Variants in TNIK observed in about 807,000 individuals in gnomAD.
TNIK encodes the protein TRAF2 and NCK-interacting protein kinase.
A neutral mutation model predicts 191.3 loss-of-function variants in TNIK; 49 were observed. That is an observed-to-expected ratio of 0.26 (90% CI 0.20 to 0.32). TNIK has a LOEUF of 0.32. Among genes scored for constraint, TNIK ranks in the 10% least tolerant of loss-of-function variants. The pLI is 1.00. For missense variants in TNIK, 1,155 were observed against 1,702.3 expected, an observed-to-expected ratio of 0.68 and a Z score of 5.66; for synonymous variants, 594 against 600.9, an observed-to-expected ratio of 0.99 and a Z score of 0.17.
At chr3:171,385,037 T>C (rs1718544209) in intron 1 of TNIK, among the ~76,000 whole-genome samples, 1 of 152,174 alleles carries the variant, frequency 6.6e-6, no homozygotes, top group African/African-American at 2.4e-5. Context: ...AACACTAAAA[T>C]ACAACATACC....
At chr3:171,247,398 C>T (rs994356800) in intron 2 of TNIK, among the ~76,000 whole-genome samples, 7 of 152,196 alleles carry the variant, frequency 4.6e-5, no homozygotes, top group African/African-American at 1.7e-4. Flanking sequence ...GAAAGAGAAA[C>T]AGAAGTCCTC....
chr3:171,081,347 T>A (rs952948122), intron 27 of TNIK, among the ~76,000 whole-genome samples: 2 of 151,884 alleles, frequency 1.3e-5, no homozygotes, highest in African/African-American at 4.8e-5. Flanking sequence ...CAAACCAGCA[T>A]CCCTGTGTTG....
At chr3:171,426,558 T>C (rs1204769161) in intron 1 of TNIK, among the ~76,000 whole-genome samples, 1 of 151,682 alleles carries the variant, frequency 6.6e-6, no homozygotes, top group Non-Finnish European at 1.5e-5. Flanking sequence ...GTATAATAAA[T>C]ATATATATAT....
At chr3:171,170,503 A>C (rs1412442422) in intron 9 of TNIK, among the ~76,000 whole-genome samples, 2 of 152,214 alleles carry the variant, frequency 1.3e-5, no homozygotes, top group African/African-American at 4.8e-5. Context: ...AACTTGGACA[A>C]ATTACTTAAC....
intron 2 of TNIK, among the ~76,000 whole-genome samples, chr3:171,351,873 C>T (rs1292865025): frequency 6.6e-6 from 1 of 152,210 alleles, no homozygotes; most frequent in African/African-American, 2.4e-5. Context: ...CCATTCAACA[C>T]AAAAGTTAAA....
intron 2 of TNIK, among the ~76,000 whole-genome samples, chr3:171,232,894 G>T (rs1480689542): frequency 6.6e-6 from 1 of 152,172 alleles, no homozygotes; most frequent in Non-Finnish European, 1.5e-5. Flanking sequence ...TAAAATGAAT[G>T]CAAGAGAAAA....
In TNIK at chr3:171,366,459, C is replaced by T. The variant is rs1010412075; in HGVS notation, c.123+3161G>A. 6.6e-6 allele frequency among the ~76,000 whole-genome samples: 1 copy of T among 152,020 alleles called. No individual in the cohort carries two copies. The highest frequency in any genetic ancestry group is 1.5e-5 in the Non-Finnish European group (1 of 68,006). The stretch of plus-strand genomic sequence containing the variant: ...TTTCTATATCTAGATGTACCTGACT[C>T]ACATGCAGATATATTTCAAGGTGTT... On this transcript the variant is annotated intron_variant, in intron 2 of 32. Transcript: ENST00000436636. The surrounding 1 kb of genome is among the most constrained non-coding windows in gnomAD (Gnocchi z 4.1).
Position 171,157,450 on chromosome 3 carries a change from A to C in TNIK, c.1221+10T>G, listed in dbSNP as rs1733347634. On this transcript the variant is annotated intron_variant, in intron 12 of 32. Coordinates refer to ENST00000436636, the MANE Select transcript of TNIK (RefSeq NM_015028.4). ...GCTTGGGGTCAGAGGTGGCCCGAGC[A>C]GGTCCTCACCTCCTCCAGCCGCCGC... 6.4e-7 allele frequency: 1 copy of C among 1,556,502 alleles called. No homozygotes were observed. Among genetic ancestry groups the C allele is most frequent in the African/African-American group, 1.4e-5 (1 of 73,326 alleles).
intron 23 of TNIK, among the ~76,000 whole-genome samples, chr3:171,090,057 T>C (rs1034570108): frequency 3.3e-5 from 5 of 152,132 alleles, no homozygotes; most frequent in African/African-American, 1.2e-4. Context: ...CCAAGAGACA[T>C]GGATCAGTTT....
intron 1 of TNIK, among the ~76,000 whole-genome samples, chr3:171,412,335 T>C (rs949951617): frequency 6.6e-5 from 10 of 152,032 alleles, no homozygotes; most frequent in African/African-American, 2.2e-4. Context: ...AGGGAAAAAA[T>C]AGATAGCTAA....
intron 2 of TNIK, among the ~76,000 whole-genome samples, chr3:171,339,550 C>G (rs1757309037): frequency 6.6e-6 from 1 of 151,932 alleles, no homozygotes; most frequent in Non-Finnish European, 1.5e-5. Context: ...TGGAAGTATC[C>G]CAAGCTCCCA....
At chr3:171,347,275 C>T in intron 2 of TNIK, 1 of 1,484,506 alleles carries the variant, frequency 6.7e-7, no homozygotes, top group Non-Finnish European at 9.0e-7. Flanking sequence ...AGGCACCAAA[C>T]ACATAGAGCA....
chr3:171,310,435 A>G (rs1753897135), intron 2 of TNIK, among the ~76,000 whole-genome samples: 2 of 152,178 alleles, frequency 1.3e-5, no homozygotes, highest in South Asian at 2.1e-4. Context: ...CTAGCACAGA[A>G]AAGATGTTTG....
intron 2 of TNIK, among the ~76,000 whole-genome samples, chr3:171,249,620 C>T (rs1275436111): frequency 6.6e-6 from 1 of 152,276 alleles, no homozygotes; most frequent in Non-Finnish European, 1.5e-5. Context: ...CATAATTCAC[C>T]TCAAATAATT....
Position 171,295,005 on chromosome 3 carries a change from A to AAG in TNIK, c.124-66786_124-66785dup, listed in dbSNP as rs141597723. Reference sequence around the variant, plus strand: ...TCACTTTGAATAGGTCTGGCCAGGGAAGAGAGAGAGAGAGAGAGAGAGGAA... The same window carrying AAG: ...TCACTTTGAATAGGTCTGGCCAGGGAAGAGAGAGAGAGAGAGAGAGAGAGGAA... On this transcript the variant is annotated intron_variant, in intron 2 of 32. Coordinates refer to ENST00000436636, the MANE Select transcript of TNIK (RefSeq NM_015028.4). Among the ~76,000 whole-genome samples the AAG allele has an allele frequency of 1.5e-3, 220 of 146,450 alleles. 1 individual carries two copies. Among genetic ancestry groups the AAG allele is most frequent in the South Asian group, 3.1e-3 (14 of 4,504 alleles).
chr3:171,451,969 T>C (rs1394225662), intron 1 of TNIK, among the ~76,000 whole-genome samples: 1 of 152,236 alleles, frequency 6.6e-6, no homozygotes, highest in Non-Finnish European at 1.5e-5. Flanking sequence ...CAAATGTTTG[T>C]AACATATGCA....
chr3:171,081,629 C>G (rs1318878953), intron 27 of TNIK, among the ~76,000 whole-genome samples: 1 of 150,468 alleles, frequency 6.6e-6, no homozygotes, highest in African/African-American at 2.5e-5. Flanking sequence ...AAAAAACTTT[C>G]AACAAAACTA....
chr3:171,248,359 T>C (rs36037420), intron 2 of TNIK, among the ~76,000 whole-genome samples: 13,598 of 151,808 alleles, frequency 0.09, 665 homozygotes, highest in African/African-American at 0.13. Flanking sequence ...CAGTGCTGAG[T>C]TGAGCTGTGC....
intron 2 of TNIK, among the ~76,000 whole-genome samples, chr3:171,313,265 TTTC>T (rs869289932): frequency 1.0e-3 from 158 of 151,852 alleles, no homozygotes; most frequent in African/African-American, 3.6e-3. Context: ...TCTTTCTTTC[TTTC>T]TTTTTTTTTA....
Sources: gnomAD v4.1 joint callset for allele counts (sites outside exome capture counted in the v4.1 genomes callset) on GRCh38, gnomAD v4.1.1 for gene constraint, Gnocchi (gnomAD v3.1) non-coding constraint, MANE v1.5 for transcripts, NCBI Gene and HGNC (gene_info 2026-07-23, HGNC 2026-07-21) for gene names.